GRIK1: variants seen among roughly 807,000 people sequenced by gnomAD.
GRIK1 encodes the protein glutamate receptor ionotropic, kainate 1.
In GRIK1, 69 loss-of-function variants were observed where a neutral mutation model predicts 105.7. The observed-to-expected ratio is 0.65, with a 90% CI of 0.54 to 0.80. The LOEUF (loss-of-function observed/expected upper bound fraction) is 0.80, where lower values mean the gene tolerates loss of function less well. Ranked by LOEUF, GRIK1 falls within the 30% of genes least tolerant of loss-of-function variation. The probability of loss-of-function intolerance (pLI) is 0.00; values close to 1 mark genes in which losing one functional copy is unlikely to be tolerated. For synonymous variants in GRIK1, 438 were observed against 431.3 expected (o/e 1.02, Z -0.19); for missense variants, 1,109 against 1,167.3 (o/e 0.95, Z 0.73).
intron 7 of GRIK1, among the ~76,000 whole-genome samples, chr21:29,604,233 G>A (rs960592513): frequency 6.6e-6 from 1 of 151,950 alleles, no homozygotes; most frequent in South Asian, 2.1e-4. Context: ...TCATCCAAGT[G>A]GCAAAAAAGT....
chr21:29,809,499 G>A (rs1454685858), intron 1 of GRIK1, among the ~76,000 whole-genome samples: 3 of 152,200 alleles, frequency 2.0e-5, no homozygotes, highest in African/African-American at 7.2e-5. Flanking sequence ...CGTTATTGAT[G>A]ACCTTGCTGT....
intron 7 of GRIK1, among the ~76,000 whole-genome samples, chr21:29,614,028 A>C (rs571319714): frequency 6.6e-6 from 1 of 152,190 alleles, no homozygotes; most frequent in Non-Finnish European, 1.5e-5. Flanking sequence ...TGGGGTCACC[A>C]TATCCTCATA....
chr21:29,538,019 G>A (rs1568786058), intron 16 of GRIK1, 135 bp from the exon 17 acceptor site: 2 of 611,014 alleles, frequency 3.3e-6, no homozygotes, highest in Non-Finnish European at 5.8e-6. Flanking sequence ...CAGCAAAAAC[G>A]ATGGCATAAT....
At chr21:29,684,387 A>G (rs1305563402) in intron 3 of GRIK1, among the ~76,000 whole-genome samples, 1 of 152,118 alleles carries the variant, frequency 6.6e-6, no homozygotes, top group African/African-American at 2.4e-5. Flanking sequence ...TCTACCTATC[A>G]TCTATCTAAT....
Position 29,558,376 on chromosome 21 carries a change from T to TCACACACACACA in GRIK1, c.2357-3086_2357-3075dup, listed in dbSNP as rs35594883. The stretch of plus-strand genomic sequence containing the variant: ...TATATATATATTTCATATATATATT[T>TCACACACACACA]CACACACACACACACACACACATAT... On this transcript the variant is annotated intron_variant, in intron 15 of 17. Coordinates refer to ENST00000327783, the MANE Select transcript of GRIK1 (RefSeq NM_001330994.2). Among the ~76,000 whole-genome samples, 1,188 of 147,002 alleles carry TCACACACACACA rather than the reference T, an allele frequency of 8.1e-3. 19 individuals are homozygous for TCACACACACACA. Among genetic ancestry groups the TCACACACACACA allele is most frequent in the African/African-American group, 0.028 (1,111 of 39,782 alleles).
intron 6 of GRIK1, among the ~76,000 whole-genome samples, chr21:29,644,307 C>G (rs1306324499): frequency 1.3e-5 from 2 of 152,022 alleles, no homozygotes; most frequent in African/African-American, 4.8e-5. Flanking sequence ...ATGTCTGTAT[C>G]TTGTTAAGAA....
At chr21:29,786,470 C>T (rs74787388) in intron 1 of GRIK1, among the ~76,000 whole-genome samples, 2,831 of 150,830 alleles carry the variant, frequency 0.019, 54 homozygotes, top group Middle Eastern at 0.048. Flanking sequence ...CCACCTTCGA[C>T]CCTCTACACC....
intron 7 of GRIK1, among the ~76,000 whole-genome samples, chr21:29,622,239 G>A (rs192634327): frequency 1.2e-3 from 184 of 152,226 alleles, no homozygotes; most frequent in Middle Eastern, 3.4e-3. Flanking sequence ...GAGCCACCAC[G>A]CCCGGCCTCT....
At chr21:29,710,822 TCC>T (rs908511712) in intron 1 of GRIK1, among the ~76,000 whole-genome samples, 2 of 120,882 alleles carry the variant, frequency 1.7e-5, no homozygotes, top group African/African-American at 6.2e-5. Flanking sequence ...CTTCCTTCCT[TCC>T]TTCCTTCCTT....
chr21:29,749,762 T>C (rs1420486747), intron 1 of GRIK1, among the ~76,000 whole-genome samples: 2 of 152,240 alleles, frequency 1.3e-5, no homozygotes, highest in African/African-American at 4.8e-5. Context: ...GAACTGCTTA[T>C]ATATTTCAAC....
intron 1 of GRIK1, among the ~76,000 whole-genome samples, chr21:29,898,611 A>C (rs2070266470): frequency 6.6e-6 from 1 of 152,236 alleles, no homozygotes; most frequent in South Asian, 2.1e-4. Flanking sequence ...AAAAGATAGC[A>C]TACCTGCTGG....
intron 16 of GRIK1, among the ~76,000 whole-genome samples, chr21:29,544,398 C>T (rs989566688): frequency 3.3e-5 from 5 of 152,152 alleles, no homozygotes; most frequent in African/African-American, 4.8e-5. Context: ...GTTCATCCTC[C>T]GCTAACGTTA....
intron 7 of GRIK1, among the ~76,000 whole-genome samples, chr21:29,613,707 T>A (rs548268245): frequency 6.6e-6 from 1 of 152,294 alleles, no homozygotes; most frequent in South Asian, 2.1e-4. Flanking sequence ...GTATGGCCAA[T>A]GTAGTTTTTA....
intron 15 of GRIK1, among the ~76,000 whole-genome samples, chr21:29,560,364 TC>T (rs1568813603): frequency 0.022 from 789 of 35,432 alleles, 13 homozygotes; most frequent in Middle Eastern, 0.045. Flanking sequence ...TCTTTTTCTT[TC>T]TTCCTTCCTT....
chr21:29,658,177 C>T (rs1355902705), intron 4 of GRIK1, among the ~76,000 whole-genome samples: 4 of 152,086 alleles, frequency 2.6e-5, no homozygotes, highest in Non-Finnish European at 4.4e-5. Flanking sequence ...GTAATAAAGG[C>T]AGATATCAAT....
At chr21:29,660,842 T>C (rs1193894881) in intron 4 of GRIK1, among the ~76,000 whole-genome samples, 1 of 152,336 alleles carries the variant, frequency 6.6e-6, no homozygotes, top group South Asian at 2.1e-4. Flanking sequence ...TGTGTGAACA[T>C]GCAATGTGGC....
intron 1 of GRIK1, among the ~76,000 whole-genome samples, chr21:29,871,140 C>T (rs1419541232): frequency 2.6e-5 from 4 of 152,200 alleles, no homozygotes; most frequent in Non-Finnish European, 5.9e-5. Flanking sequence ...GTCCACCTGA[C>T]TTGCATTCTT....
At chr21:29,760,063 T>C (rs1056173411) in intron 1 of GRIK1, 3 of 152,246 alleles carry the variant, frequency 2.0e-5, no homozygotes, top group Non-Finnish European at 2.9e-5. Context: ...CTTCTGTTTA[T>C]AGGTGAGAAA....
chr21:29,587,443 G>T lies in GRIK1; in HGVS notation c.1716C>A (p.Asn572Lys). Reference protein sequence around the residue: ...GTNPGVFSFLNPLSPDIWMYV... With the variant: ...GTNPGVFSFLKPLSPDIWMYV... ...ACATCCAAATATCTGGAGACAGGGGGTTGAGGAAGGAGAAAACGCCTGGAT... is the reference window on the plus strand; with the variant it reads ...ACATCCAAATATCTGGAGACAGGGGTTTGAGGAAGGAGAAAACGCCTGGAT... Residue 572 changes from asparagine (N) to lysine (K), a missense_variant, in exon 12 of 18, where the codon AAC (asparagine) becomes AAA (lysine). Coordinates refer to ENST00000327783, the MANE Select transcript of GRIK1 (RefSeq NM_001330994.2). 2 of 1,613,732 alleles carry T rather than the reference G, an allele frequency of 1.2e-6. No homozygotes were observed. Among genetic ancestry groups the T allele is most frequent in the Non-Finnish European group, 1.7e-6 (2 of 1,179,680 alleles).
Sources: allele counts gnomAD v4.1 joint callset (sites outside exome capture counted in the v4.1 genomes callset), GRCh38; gene constraint gnomAD v4.1.1; transcripts MANE v1.5; gene names NCBI Gene and HGNC (gene_info 2026-07-23, HGNC 2026-07-21).